Variants in CNTN4 observed in about 807,000 individuals in gnomAD.
CNTN4 encodes contactin 4, also known as contactin-4.
CNTN4 carries 77 observed loss-of-function variants against 122.5 expected under a neutral mutation model. That is an observed-to-expected ratio of 0.63 (90% CI 0.52 to 0.76). The LOEUF is 0.76. Ranked by LOEUF, CNTN4 falls within the 30% of genes least tolerant of loss-of-function variation. CNTN4 has a pLI of 0.00. For missense variants in CNTN4, 1,256 were observed against 1,259.1 expected, an observed-to-expected ratio of 1.00 and a Z score of 0.04; for synonymous variants, 512 against 447.0, an observed-to-expected ratio of 1.15 and a Z score of -1.83.
chr3:2,675,568 G>A (rs148186880), intron 4 of CNTN4, among the ~76,000 whole-genome samples: 12 of 152,224 alleles, frequency 7.9e-5, no homozygotes, highest in African/African-American at 2.9e-4. Flanking sequence ...AAGAATGAAA[G>A]CTCCACGAAG....
intron 8 of CNTN4, among the ~76,000 whole-genome samples, chr3:2,872,041 G>A (rs76375836): frequency 6.6e-6 from 1 of 152,258 alleles, no homozygotes; most frequent in East Asian, 1.9e-4. Context: ...ATTAGTACAG[G>A]TACTAAAGTA....
chr3:2,444,133 A>G (rs183052547), intron 3 of CNTN4, among the ~76,000 whole-genome samples: 22 of 151,906 alleles, frequency 1.4e-4, no homozygotes, highest in Non-Finnish European at 2.8e-4. Context: ...TTGAACAACT[A>G]CTTTATACCA....
At chr3:2,428,265 T>G (rs1385496076) in intron 3 of CNTN4, among the ~76,000 whole-genome samples, 1 of 152,208 alleles carries the variant, frequency 6.6e-6, no homozygotes, top group Non-Finnish European at 1.5e-5. Flanking sequence ...AAGGCAGGCC[T>G]GGTGGTGAGA....
intron 6 of CNTN4, among the ~76,000 whole-genome samples, chr3:2,792,229 A>G (rs1206958214): frequency 6.6e-6 from 1 of 152,090 alleles, no homozygotes; most frequent in Non-Finnish European, 1.5e-5. Flanking sequence ...CATGATCCCT[A>G]TGTTTTCCTG....
chr3:2,968,410 G>C (rs59444413), intron 13 of CNTN4, among the ~76,000 whole-genome samples: 3,442 of 152,284 alleles, frequency 0.023, 127 homozygotes, highest in Admixed American at 0.09. Flanking sequence ...CAGACAAAGT[G>C]AGGTGAAGAA....
At chr3:2,262,683 A>G (rs925878000) in intron 2 of CNTN4, among the ~76,000 whole-genome samples, 11 of 148,566 alleles carry the variant, frequency 7.4e-5, no homozygotes, top group Non-Finnish European at 1.6e-4. Flanking sequence ...ACTGGTAACT[A>G]TCCTGAGACT....
intron 3 of CNTN4, among the ~76,000 whole-genome samples, chr3:2,507,230 CAT>C (rs1241666216): frequency 6.6e-6 from 1 of 152,056 alleles, no homozygotes; most frequent in Non-Finnish European, 1.5e-5. Context: ...TTGAGGTTAA[CAT>C]ATTGAGCCAG....
intron 6 of CNTN4, among the ~76,000 whole-genome samples, chr3:2,815,557 G>A (rs1373226462): frequency 6.6e-6 from 1 of 152,100 alleles, no homozygotes; most frequent in Non-Finnish European, 1.5e-5. Context: ...CCTTACACCT[G>A]CAAGAATGGC....
intron 2 of CNTN4, among the ~76,000 whole-genome samples, chr3:2,324,125 T>A (rs998484711): frequency 6.6e-6 from 1 of 152,138 alleles, no homozygotes; most frequent in African/African-American, 2.4e-5. Flanking sequence ...ATTAAAAATG[T>A]CTCCAGATAT....
At chr3:2,680,353 AG>A (rs1483951300) in intron 4 of CNTN4, among the ~76,000 whole-genome samples, 1 of 152,186 alleles carries the variant, frequency 6.6e-6, no homozygotes, top group Non-Finnish European at 1.5e-5. Flanking sequence ...AAGATGAGCA[AG>A]AGTCAGATGT....
chr3:2,494,757 T>G (rs565797768), intron 3 of CNTN4, among the ~76,000 whole-genome samples: 6 of 152,314 alleles, frequency 3.9e-5, no homozygotes, highest in African/African-American at 1.4e-4. Context: ...CTGTCTGTTG[T>G]GTGATGCTAT....
At chr3:2,542,709 T>G (rs575725461) in intron 3 of CNTN4, among the ~76,000 whole-genome samples, 44 of 152,226 alleles carry the variant, frequency 2.9e-4, no homozygotes, top group Non-Finnish European at 5.4e-4. Flanking sequence ...TGTGGTACTT[T>G]CTCTTCTTTC....
chr3:2,632,850 G>A (rs1576293620), intron 4 of CNTN4, among the ~76,000 whole-genome samples: 1 of 152,038 alleles, frequency 6.6e-6, no homozygotes, highest in Non-Finnish European at 1.5e-5. Context: ...CCCCAGGGTT[G>A]CCCTGCCAGT....
chr3:2,785,891 C>T (rs1257784830), intron 6 of CNTN4, among the ~76,000 whole-genome samples: 4 of 16,956 alleles, frequency 2.4e-4, no homozygotes, highest in Non-Finnish European at 5.2e-4. Context: ...CCCTGGCCCA[C>T]GCTGCCCCCC....
chr3:2,269,459 GTT>G (rs1246692110), intron 2 of CNTN4, among the ~76,000 whole-genome samples: 1 of 152,036 alleles, frequency 6.6e-6, no homozygotes, highest in Non-Finnish European at 1.5e-5. Flanking sequence ...GTACTGATTA[GTT>G]TACCAGACTA....
At chr3:2,434,360 GA>G (rs915106634) in intron 3 of CNTN4, among the ~76,000 whole-genome samples, 2 of 152,072 alleles carry the variant, frequency 1.3e-5, no homozygotes, top group African/African-American at 4.8e-5. Flanking sequence ...AAAAAAGAAA[GA>G]AAGACTCTAC....
At chr3:2,549,089 GTTTCTAAATATACAATCATGTCGGGT>G (rs377362234) in intron 3 of CNTN4, among the ~76,000 whole-genome samples, 13,912 of 152,042 alleles carry the variant, frequency 0.092, 848 homozygotes, top group Non-Finnish European at 0.14. Context: ...AGACGTTGGG[GTTTCTAAATATACAATCATGTCGGGT>G]TTTCTAAATA....
intron 13 of CNTN4, among the ~76,000 whole-genome samples, chr3:2,961,494 A>G (rs17023680): frequency 0.19 from 28,651 of 152,014 alleles, 3,054 homozygotes; most frequent in Middle Eastern, 0.31. Context: ...GAAAAACTAT[A>G]GGACTGTCTC....
chr3:2,949,079 C>T (rs1328432590), intron 13 of CNTN4, among the ~76,000 whole-genome samples: 1 of 152,090 alleles, frequency 6.6e-6, no homozygotes, highest in African/African-American at 2.4e-5. Flanking sequence ...TTTCTCTTAG[C>T]TACAATCACA....
Sources: allele counts gnomAD v4.1 joint callset (sites outside exome capture counted in the v4.1 genomes callset), GRCh38; gene constraint gnomAD v4.1.1; transcripts MANE v1.5; gene names NCBI Gene and HGNC (gene_info 2026-07-23, HGNC 2026-07-21).